Variants in IMMT observed in about 807,000 individuals in gnomAD.
IMMT encodes inner membrane mitochondrial protein.
IMMT carries 40 observed loss-of-function variants against 92.7 expected under a neutral mutation model. The observed-to-expected ratio is 0.43, with a 90% CI of 0.34 to 0.56. The LOEUF (loss-of-function observed/expected upper bound fraction) is 0.56, where lower values mean the gene tolerates loss of function less well. Ranked by LOEUF, IMMT falls within the 20% of genes least tolerant of loss-of-function variation. The probability of loss-of-function intolerance (pLI) is 0.03; values close to 1 mark genes in which losing one functional copy is unlikely to be tolerated. For synonymous variants in IMMT, 322 were observed against 336.1 expected (o/e 0.96, Z 0.46); for missense variants, 831 against 912.1 (o/e 0.91, Z 1.14).
In IMMT at chr2:86,171,091, C is replaced by G. The variant is rs1238408685; in HGVS notation, c.559+117G>C. On this transcript the variant is annotated intron_variant, in intron 5 of 14. Coordinates refer to ENST00000410111, the MANE Select transcript of IMMT (RefSeq NM_006839.3). ...TAAATTTTAAAAATTTCCTAAGAAA[C>G]TCTGAAGACCTAAACCTAGTGTAAA... 1.3e-5 allele frequency: 12 copies of G among 948,022 alleles called. No homozygotes were observed. In the Admixed American group the frequency reaches 3.5e-4, roughly 28 times the overall value. The allele number at this position is 948,022 out of a possible 1,614,324, so 58.7% of individuals were successfully genotyped here.
At position 86,195,360 on chromosome 2, in the gene IMMT, G is replaced by A; in HGVS notation, c.23C>T (p.Ser8Leu). MLRACQL[S>L]GVTAAAQSCL... Reference sequence around the variant, plus strand: ...CACCTGGGCGGCGGCGGTCACACCCGATAACTGACAGGCCCGCAGCATCTC... The same window carrying A: ...CACCTGGGCGGCGGCGGTCACACCCAATAACTGACAGGCCCGCAGCATCTC... Residue 8 changes from serine (S) to leucine (L), a missense_variant, in exon 1 of 15, where the codon TCG becomes TTG. Transcript: ENST00000410111. 6.5e-7 allele frequency: 1 copy of A among 1,550,014 alleles called. No individual in the cohort carries two copies. The highest frequency in any genetic ancestry group is 8.7e-7 in the Non-Finnish European group (1 of 1,146,680).
chr2:86,167,040 G>C (rs1676725893), intron 6 of IMMT, among the ~76,000 whole-genome samples: 1 of 150,392 alleles, frequency 6.6e-6, no homozygotes. Flanking sequence ...GGAGCTTGCA[G>C]TGAGCCGAGA....
At chr2:86,181,037 T>A (rs1469447971) in intron 2 of IMMT, among the ~76,000 whole-genome samples, 1 of 152,172 alleles carries the variant, frequency 6.6e-6, no homozygotes, top group African/African-American at 2.4e-5. Flanking sequence ...CTATTTGCCA[T>A]AGAATGGAAG....
intron 6 of IMMT, among the ~76,000 whole-genome samples, chr2:86,167,590 T>C (rs1314457211): frequency 1.3e-5 from 2 of 151,128 alleles, no homozygotes; most frequent in African/African-American, 4.9e-5. Flanking sequence ...GTTCAGGCGA[T>C]TCTCCTGCCT....
chr2:86,184,505 A>G (rs993946783), intron 1 of IMMT, among the ~76,000 whole-genome samples: 2 of 152,108 alleles, frequency 1.3e-5, no homozygotes, highest in Admixed American at 6.6e-5. Flanking sequence ...TATAATAATT[A>G]TAATTACACT....
rs189579846 is a variant in IMMT at position 86,150,251 on chromosome 2, A to G, written c.1401+1046T>C. On this transcript the variant is annotated intron_variant, in intron 12 of 14. Transcript: ENST00000410111. ...AACCTGAAGCCAAGGCAGAGGTCAG[A>G]GCTGGAGATAGACATTTATCAGGTA... 1.5e-3 allele frequency among the ~76,000 whole-genome samples: 232 copies of G among 152,336 alleles called. 2 individuals are homozygous for G. The highest frequency in any genetic ancestry group is 5.4e-3 in the African/African-American group (224 of 41,574).
intron 1 of IMMT, among the ~76,000 whole-genome samples, chr2:86,194,073 T>C (rs903780208): frequency 2.6e-5 from 4 of 152,212 alleles, no homozygotes; most frequent in Non-Finnish European, 4.4e-5. Flanking sequence ...CAAGGAACTG[T>C]AGGCAGGCTG....
chr2:86,146,365 TATATA>T (rs143817586), intron 13 of IMMT, among the ~76,000 whole-genome samples, 168 bp from the exon 14 acceptor site: 2,377 of 138,430 alleles, frequency 0.017, 54 homozygotes, highest in East Asian at 0.1. Flanking sequence ...ATATTTGATG[TATATA>T]ATATATTTTT....
At chr2:86,190,502 T>G (rs1185579269) in intron 1 of IMMT, among the ~76,000 whole-genome samples, 1 of 152,194 alleles carries the variant, frequency 6.6e-6, no homozygotes, top group African/African-American at 2.4e-5. Flanking sequence ...AAAGCCCATG[T>G]CCTCCAAACT....
At chr2:86,191,391 T>C (rs976840265) in intron 1 of IMMT, among the ~76,000 whole-genome samples, 3 of 150,962 alleles carry the variant, frequency 2.0e-5, no homozygotes, top group South Asian at 4.2e-4. Flanking sequence ...GTGGGCTTCA[T>C]TCAATCAGTT....
chr2:86,184,888 G>A (rs537507760), intron 1 of IMMT, among the ~76,000 whole-genome samples: 1 of 152,170 alleles, frequency 6.6e-6, no homozygotes, highest in Non-Finnish European at 1.5e-5. Flanking sequence ...TGACGTACTT[G>A]GCTAAAGAGT....
chr2:86,181,500 A>AG (rs753235462), intron 1 of IMMT, 128 bp from the exon 2 acceptor site: 19 of 658,870 alleles, frequency 2.9e-5, no homozygotes, highest in Non-Finnish European at 3.7e-5. Context: ...TTTTTTTCAG[A>AG]AGTCAATTTA....
At position 86,159,603 on chromosome 2, in the gene IMMT, G is replaced by A. The variant is rs766213485; in HGVS notation, c.965C>T (p.Pro322Leu). ...TTTACCCTCTGCAGCAGTTATATGA[G>A]GCTTGGCCCCAGCAACCTCTTTTTT... ...AKKKEVAGAK[P>L]HITAAEGKLH... Residue 322 changes from proline (P) to leucine (L), a missense_variant, in exon 9 of 15, where the codon CCT (proline) becomes CTT (leucine). Coordinates refer to ENST00000410111, the MANE Select transcript of IMMT (RefSeq NM_006839.3). 5.0e-6 allele frequency: 8 copies of A among 1,593,260 alleles called. No homozygotes were observed. The Admixed American group carries it at 1.1e-4, about 22-fold the overall frequency.
intron 11 of IMMT, among the ~76,000 whole-genome samples, chr2:86,152,440 C>CAAAAAAAAAAAAAAA (rs772186185): frequency 4.0e-4 from 31 of 76,832 alleles, no homozygotes; most frequent in Middle Eastern, 8.5e-3. Context: ...GACTCCATCT[C>CAAAAAAAAAAAAAAA]AAAAAAAAAA....
In IMMT at chr2:86,146,084, G is replaced by A. The variant is rs541929797; in HGVS notation, c.1647C>T (p.Ile549=). The change falls in exon 14 of 15, where the codon ATC becomes ATT. Residue 549 remains isoleucine, a synonymous_variant. Coordinates refer to ENST00000410111, the MANE Select transcript of IMMT (RefSeq NM_006839.3). ...INTAYARLRG[I]EQAVQSHAVA... The stretch of plus-strand genomic sequence containing the variant: ...TATGCTTACTCTGAACAGCCTGTTC[G>A]ATTCCTCTGAGTCTGGCATAGGCAG... 26 of 1,585,704 alleles carry A rather than the reference G, an allele frequency of 1.6e-5. No homozygotes were observed. The highest frequency in any genetic ancestry group is 1.3e-4 in the African/African-American group (10 of 74,630).
intron 10 of IMMT, among the ~76,000 whole-genome samples, chr2:86,154,995 T>A (rs1260728828): frequency 1.3e-5 from 2 of 152,132 alleles, no homozygotes. Context: ...CCCGAGTAGC[T>A]AGGACCACAG....
intron 4 of IMMT, among the ~76,000 whole-genome samples, chr2:86,171,785 T>A (rs889123884): frequency 6.6e-6 from 1 of 151,808 alleles, no homozygotes; most frequent in Admixed American, 6.6e-5. Context: ...AGGAAAAAGA[T>A]TACAGTTTTA....
chr2:86,156,812 C>G (rs1386533320), intron 10 of IMMT, among the ~76,000 whole-genome samples: 1 of 152,036 alleles, frequency 6.6e-6, no homozygotes, highest in Non-Finnish European at 1.5e-5. Context: ...TTTATTTGAG[C>G]CACTGGAGAC....
intron 10 of IMMT, among the ~76,000 whole-genome samples, chr2:86,154,217 G>C (rs1461500673): frequency 6.9e-6 from 1 of 145,684 alleles, no homozygotes; most frequent in Non-Finnish European, 1.5e-5. Context: ...CTGTCGCCCA[G>C]GCTGGAGTGC....
Sources: gnomAD v4.1 joint callset for allele counts (sites outside exome capture counted in the v4.1 genomes callset) on GRCh38, gnomAD v4.1.1 for gene constraint, MANE v1.5 for transcripts, NCBI Gene and HGNC (gene_info 2026-07-23, HGNC 2026-07-21) for gene names.